PRKD3: variants seen among roughly 807,000 people sequenced by gnomAD.
The protein encoded by PRKD3 is serine/threonine-protein kinase D3.
A neutral mutation model predicts 99.2 loss-of-function variants in PRKD3; 47 were observed. That is an observed-to-expected ratio of 0.47 (90% CI 0.38 to 0.60). PRKD3 has a LOEUF of 0.60. PRKD3 is among the 20% of genes least tolerant of loss of function. PRKD3 has a pLI of 0.00. For synonymous variants in PRKD3, 392 were observed against 355.4 expected (o/e 1.10, Z -1.16); for missense variants, 1,019 against 1,088.4 (o/e 0.94, Z 0.90).
At chr2:37,311,177 G>GTACCAGCAAAAGCTTATTTC (rs1671409887) in intron 2 of PRKD3, among the ~76,000 whole-genome samples, 2 of 152,154 alleles carry the variant, frequency 1.3e-5, no homozygotes, top group Non-Finnish European at 2.9e-5. Context: ...GCATGGCATT[G>GTACCAGCAAAAGCTTATTTC]TACCAGCAAA....
At chr2:37,313,722 C>G (rs1258734733) in intron 2 of PRKD3, among the ~76,000 whole-genome samples, 5 of 152,168 alleles carry the variant, frequency 3.3e-5, no homozygotes, top group Non-Finnish European at 7.4e-5. Context: ...AAGACAGTCC[C>G]TCACTTAAGA....
intron 13 of PRKD3, chr2:37,268,391 G>A (rs1392694804): frequency 2.1e-6 from 1 of 469,962 alleles, no homozygotes; most frequent in African/African-American, 2.0e-5. Context: ...GCAAACCATA[G>A]ATATTATATA....
chr2:37,309,426 T>C (rs906742954), intron 2 of PRKD3, among the ~76,000 whole-genome samples: 3 of 152,224 alleles, frequency 2.0e-5, no homozygotes, highest in South Asian at 2.1e-4. Context: ...AGCCTAAGGG[T>C]ACAGAAATAC....
At chr2:37,280,043 A>G (rs573331107) in intron 7 of PRKD3, 114 bp from the exon 8 acceptor site, 24 of 685,998 alleles carry the variant, frequency 3.5e-5, no homozygotes, top group Non-Finnish European at 5.0e-5. Flanking sequence ...TGAGTTAAGT[A>G]AAGTATTTCT....
At chr2:37,321,370 C>A (rs1671875986) in intron 1 of PRKD3, among the ~76,000 whole-genome samples, 1 of 152,060 alleles carries the variant, frequency 6.6e-6, no homozygotes, top group Non-Finnish European at 1.5e-5. Flanking sequence ...CCCAGTCTGT[C>A]CTATTTTACA....
intron 1 of PRKD3, chr2:37,324,147 G>C (rs1189352482): frequency 1.0e-6 from 1 of 983,954 alleles, no homozygotes; most frequent in Non-Finnish European, 1.2e-6. Flanking sequence ...TCCAAACGCA[G>C]TCGGGATACT....
At chr2:37,290,034 T>C (rs113261656) in intron 4 of PRKD3, among the ~76,000 whole-genome samples, 14 of 152,346 alleles carry the variant, frequency 9.2e-5, no homozygotes, top group African/African-American at 2.9e-4. Flanking sequence ...GGTTTCATAC[T>C]GTAATAGCAG....
rs1244168548 is a variant in PRKD3, at chr2:37,253,295, T to G, written c.2555A>C (p.Tyr852Ser). Reference protein sequence around the residue: ...REFETRIGERYITHESDDARW... With the variant: ...REFETRIGERSITHESDDARW... ...AGCATCATCACTTTCATGTGTAATG[T>G]AACGTTCTCCAATGCGAGTTTCAAA... is the stretch of plus-strand genomic sequence containing the variant. The change falls in exon 19 of 19, where the codon TAC becomes TCC. Residue 852 changes from tyrosine (Y) to serine (S), a missense_variant. Coordinates refer to ENST00000234179, the MANE Select transcript of PRKD3 (RefSeq NM_005813.6). The G allele has an allele frequency of 6.2e-7, 1 of 1,613,250 alleles. No individual in the cohort carries two copies. Among genetic ancestry groups the G allele is most frequent in the Non-Finnish European group, 8.5e-7 (1 of 1,179,360 alleles).
chr2:37,261,650 C>T (rs1184577364), intron 14 of PRKD3, among the ~76,000 whole-genome samples: 2 of 144,976 alleles, frequency 1.4e-5, no homozygotes, highest in African/African-American at 5.2e-5. Flanking sequence ...TGTGGTGGCG[C>T]AAGCCTGTAA....
rs1667549998 is a variant in PRKD3, at chr2:37,252,139, CTT to C, written c.*1036_*1037del. On this transcript the variant is annotated 3_prime_UTR_variant, in exon 19 of 19. Transcript: ENST00000234179. ...CCCTCAAACTGCTTAAAATAATTGA[CTT>C]TAAAACACTCCAGATATCTGCAAAG... 1 of 152,148 alleles carries C rather than the reference CTT, an allele frequency of 6.6e-6. No homozygotes were observed. Among genetic ancestry groups the C allele is most frequent in the Non-Finnish European group, 1.5e-5 (1 of 68,022 alleles). 9.4% of individuals were successfully genotyped at this position (152,148 alleles called of 1,614,324 possible). A position where few individuals can be genotyped will look rare whatever the true frequency, so the allele number is the denominator to read the frequency against.
At chr2:37,267,713 A>G (rs956782287) in intron 13 of PRKD3, 177 bp from the exon 14 acceptor site, 12 of 546,296 alleles carry the variant, frequency 2.2e-5, no homozygotes, top group South Asian at 1.5e-4. Context: ...TTTCCCCTCC[A>G]TACATAATAT....
In PRKD3 at chr2:37,316,948, G is replaced by A. The variant is rs1265952916; in HGVS notation, c.-424C>T. 7 of 997,770 alleles carry A rather than the reference G, an allele frequency of 7.0e-6. No individual in the cohort carries two copies. Among genetic ancestry groups the A allele is most frequent in the Non-Finnish European group, 8.4e-6 (7 of 838,116 alleles). The allele number at this position is 997,770 out of a possible 1,614,324, so 61.8% of individuals were successfully genotyped here. A position where few individuals can be genotyped will look rare whatever the true frequency, so the allele number is the denominator to read the frequency against. ...TGAAATCCTCTTCGTTTAAAAAACAGTAAGTGTTTTGGATTAATCTATTCA... is the reference window on the plus strand; with the variant it reads ...TGAAATCCTCTTCGTTTAAAAAACAATAAGTGTTTTGGATTAATCTATTCA... On this transcript the variant is annotated 5_prime_UTR_variant, in exon 2 of 19. Coordinates refer to ENST00000234179, the MANE Select transcript of PRKD3 (RefSeq NM_005813.6).
chr2:37,323,777 G>A (rs530405188), intron 1 of PRKD3, among the ~76,000 whole-genome samples: 192 of 152,296 alleles, frequency 1.3e-3, no homozygotes, highest in Non-Finnish European at 2.1e-3. Context: ...TAAAAGCTGT[G>A]TCGCACCAAG....
chr2:37,270,735 T>C lies in PRKD3; in HGVS notation c.1705-1048A>G, dbSNP rs934239651. Among the ~76,000 whole-genome samples the C allele has an allele frequency of 8.5e-5, 13 of 152,356 alleles. No homozygotes were observed. In the East Asian group the frequency reaches 2.1e-3, roughly 25 times the overall value. The stretch of plus-strand genomic sequence containing the variant: ...AAAATTTTAAGGTTTGTAAGAACCA[T>C]TTTTATAAGCCTCCCCACTTTAATC... On this transcript the variant is annotated intron_variant, in intron 12 of 18. Coordinates refer to ENST00000234179, the MANE Select transcript of PRKD3 (RefSeq NM_005813.6).
rs137875624 is a variant in PRKD3, at chr2:37,258,412, A to G, written c.2145+1171T>C. Among the ~76,000 whole-genome samples, 5 of 152,326 alleles carry G rather than the reference A, an allele frequency of 3.3e-5. No individual in the cohort carries two copies. In the East Asian group the frequency reaches 7.7e-4, roughly 24 times the overall value. On this transcript the variant is annotated intron_variant, in intron 16 of 18. Transcript: ENST00000234179. Reference sequence around the variant, plus strand: ...CAGCTAACATCTTGATAAGGTAAAGATGACTTGGAAGTTTGGCAACTGATT... The same window carrying G: ...CAGCTAACATCTTGATAAGGTAAAGGTGACTTGGAAGTTTGGCAACTGATT...
intron 2 of PRKD3, among the ~76,000 whole-genome samples, chr2:37,297,832 C>T (rs1388168337): frequency 6.6e-6 from 1 of 152,178 alleles, no homozygotes; most frequent in Non-Finnish European, 1.5e-5. Context: ...CATGACATCA[C>T]CACTGATGTT....
At chr2:37,307,354 G>A (rs1338034318) in intron 2 of PRKD3, among the ~76,000 whole-genome samples, 1 of 152,114 alleles carries the variant, frequency 6.6e-6, no homozygotes, top group Non-Finnish European at 1.5e-5. Flanking sequence ...AAGAACCCCT[G>A]GCCTTTTGCA....
Position 37,269,598 on chromosome 2 carries a change from C to T in PRKD3, c.1777+17G>A, listed in dbSNP as rs181178848. The T allele has an allele frequency of 3.0e-5, 48 of 1,592,382 alleles. No homozygotes were observed. Among genetic ancestry groups the T allele is most frequent in the Admixed American group, 2.7e-4 (16 of 59,980 alleles). On this transcript the variant is annotated intron_variant, in intron 13 of 18. Transcript: ENST00000234179. Reference sequence around the variant, plus strand: ...TAAAATAATGTGTACAATATGCAAACGGCTGTAGTTGCTTACCTCCATAAA... The same window carrying T: ...TAAAATAATGTGTACAATATGCAAATGGCTGTAGTTGCTTACCTCCATAAA...
At chr2:37,292,471 C>T (rs1423973823) in intron 3 of PRKD3, among the ~76,000 whole-genome samples, 1 of 151,824 alleles carries the variant, frequency 6.6e-6, no homozygotes, top group East Asian at 1.9e-4. Context: ...TGAGCCTCCC[C>T]AGTAGCTGGG....
Sources: gnomAD v4.1 joint callset for allele counts (sites outside exome capture counted in the v4.1 genomes callset) on GRCh38, gnomAD v4.1.1 for gene constraint, MANE v1.5 for transcripts, NCBI Gene and HGNC (gene_info 2026-07-23, HGNC 2026-07-21) for gene names.